Variants in CSTPP1 observed in about 807,000 individuals in gnomAD.
The protein encoded by CSTPP1 is centriolar satellite-associated tubulin polyglutamylase complex regulator 1.
chr11:46,959,588 C>T, the CSTPP1 span, among the ~76,000 whole-genome samples: 24 of 152,284 alleles, frequency 1.6e-4, no homozygotes, highest in East Asian at 4.4e-3. Flanking sequence ...CCTTTACTTA[C>T]TCCCACGGCT....
At chr11:47,068,656 C>A in the CSTPP1 span, among the ~76,000 whole-genome samples, 1 of 152,134 alleles carries the variant, frequency 6.6e-6, no homozygotes, top group East Asian at 1.9e-4. Flanking sequence ...CATTGCCTTT[C>A]CAGTCACCGT....
the CSTPP1 span, among the ~76,000 whole-genome samples, chr11:47,037,561 A>G: frequency 1.5e-4 from 17 of 116,862 alleles, 2 homozygotes; most frequent in African/African-American, 4.4e-4. Flanking sequence ...GTCCCTGGGT[A>G]CTTGAGATTA....
chr11:47,016,053 G>A, the CSTPP1 span, among the ~76,000 whole-genome samples: 1 of 152,084 alleles, frequency 6.6e-6, no homozygotes, highest in Non-Finnish European at 1.5e-5. Context: ...AGAGGTGGAG[G>A]TTGCAGTGAG....
the CSTPP1 span, among the ~76,000 whole-genome samples, chr11:47,070,268 G>A: frequency 6.8e-6 from 1 of 147,764 alleles, no homozygotes; most frequent in East Asian, 2.0e-4. Context: ...GAGAGAGGGG[G>A]AGAGAGAGAG....
the CSTPP1 span, among the ~76,000 whole-genome samples, chr11:47,162,950 T>G: frequency 6.6e-6 from 1 of 152,004 alleles, no homozygotes; most frequent in Non-Finnish European, 1.5e-5. Context: ...GAGGCCAAGG[T>G]GGGCCAACTG....
At chr11:47,003,994 T>A in the CSTPP1 span, among the ~76,000 whole-genome samples, 1 of 152,204 alleles carries the variant, frequency 6.6e-6, no homozygotes, top group African/African-American at 2.4e-5. Context: ...ATAATTCATC[T>A]TCATTGTGTG....
chr11:47,073,312 T>A, the CSTPP1 span, among the ~76,000 whole-genome samples: 1 of 152,138 alleles, frequency 6.6e-6, no homozygotes, highest in Non-Finnish European at 1.5e-5. Context: ...TAGAATGTAA[T>A]CCGGTGTCGG....
the CSTPP1 span, among the ~76,000 whole-genome samples, chr11:47,087,787 G>A: frequency 6.6e-6 from 1 of 152,102 alleles, no homozygotes; most frequent in Admixed American, 6.6e-5. Flanking sequence ...AAACCTGGGG[G>A]CCTAAAACAA....
At chr11:47,117,047 C>T in the CSTPP1 span, among the ~76,000 whole-genome samples, 1 of 152,152 alleles carries the variant, frequency 6.6e-6, no homozygotes, top group African/African-American at 2.4e-5. Flanking sequence ...TGAGATGGGT[C>T]TCCTGAATAC....
chr11:46,939,256 A>G, the CSTPP1 span, among the ~76,000 whole-genome samples: 3 of 151,516 alleles, frequency 2.0e-5, no homozygotes, highest in African/African-American at 7.3e-5. Context: ...ACGCCTGGCT[A>G]ATTTTGTATT....
the CSTPP1 span, among the ~76,000 whole-genome samples, chr11:47,021,576 C>T: frequency 1.3e-5 from 2 of 152,154 alleles, no homozygotes; most frequent in Admixed American, 6.6e-5. Context: ...TTACAGCTAG[C>T]TGCAGTTTGG....
the CSTPP1 span, among the ~76,000 whole-genome samples, chr11:46,982,290 A>G: frequency 6.6e-6 from 1 of 152,110 alleles, no homozygotes; most frequent in Admixed American, 6.5e-5. Flanking sequence ...CAAGGGGGGA[A>G]AAAGTCAGGT....
At chr11:47,025,841 A>T in the CSTPP1 span, among the ~76,000 whole-genome samples, 1 of 152,260 alleles carries the variant, frequency 6.6e-6, no homozygotes, top group Non-Finnish European at 1.5e-5. Context: ...AAGCATAGAT[A>T]TACAGTGGAT....
At chr11:47,072,232 C>A in the CSTPP1 span, among the ~76,000 whole-genome samples, 20 of 152,230 alleles carry the variant, frequency 1.3e-4, no homozygotes, top group African/African-American at 4.3e-4. Context: ...CAAGGATTCC[C>A]TGTTCTGTTC....
chr11:47,003,208 C>T, the CSTPP1 span, among the ~76,000 whole-genome samples: 1 of 152,214 alleles, frequency 6.6e-6, no homozygotes. Context: ...TTAAAATTTT[C>T]AGTGCTTTTA....
At chr11:47,156,030 G>C in the CSTPP1 span, 1 of 152,204 alleles carries the variant, frequency 6.6e-6, no homozygotes. Context: ...GCTTAAAACA[G>C]GCTCTTCCAG....
At chr11:46,948,118 C>G in the CSTPP1 span, 1 of 456,128 alleles carries the variant, frequency 2.2e-6, no homozygotes, top group African/African-American at 2.0e-5. Flanking sequence ...CTGCCAGAAC[C>G]GGTCGGCTCC....
the CSTPP1 span, among the ~76,000 whole-genome samples, chr11:47,024,137 C>G: frequency 1.3e-5 from 2 of 151,884 alleles, no homozygotes; most frequent in Non-Finnish European, 2.9e-5. Flanking sequence ...ACATAGCTCA[C>G]TGGCCTTGAC....
the CSTPP1 span, among the ~76,000 whole-genome samples, chr11:47,147,455 A>G: frequency 6.6e-6 from 1 of 152,166 alleles, no homozygotes; most frequent in Non-Finnish European, 1.5e-5. Flanking sequence ...TCTTTATTCT[A>G]AGGTCTGTGG....
Sources: allele counts gnomAD v4.1 joint callset (sites outside exome capture counted in the v4.1 genomes callset), GRCh38; gene constraint gnomAD v4.1.1; transcripts MANE v1.5; gene names NCBI Gene and HGNC (gene_info 2026-07-23, HGNC 2026-07-21).